The following POU6F2 variants were observed in gnomAD, a reference collection of about 807,000 sequenced individuals.
POU6F2 encodes the protein POU domain, class 6, transcription factor 2.
POU6F2 carries 31 observed loss-of-function variants against 71.3 expected under a neutral mutation model. The ratio of observed to expected loss-of-function variants is 0.43; its 90% CI spans 0.33 to 0.59. The LOEUF is 0.59. Among genes scored for constraint, POU6F2 ranks in the 20% least tolerant of loss-of-function variants. The probability of loss-of-function intolerance (pLI) is 0.04; values close to 1 mark genes in which losing one functional copy is unlikely to be tolerated. For synonymous variants in POU6F2, 347 were observed against 355.7 expected, an observed-to-expected ratio of 0.98 and a Z score of 0.27; for missense variants, 783 against 856.8, an observed-to-expected ratio of 0.91 and a Z score of 1.07.
At chr7:39,398,044 A>C (rs190225459) in intron 5 of POU6F2, among the ~76,000 whole-genome samples, 2 of 151,908 alleles carry the variant, frequency 1.3e-5, no homozygotes, top group African/African-American at 4.8e-5. Flanking sequence ...TATTTTTAAA[A>C]AAAAAACATT....
chr7:39,343,153 G>C (rs1785955224), intron 5 of POU6F2, among the ~76,000 whole-genome samples: 2 of 152,144 alleles, frequency 1.3e-5, no homozygotes. Flanking sequence ...AGCAGTCCCT[G>C]TAAATAAGTA....
At chr7:39,086,820 C>T (rs186407483) in intron 2 of POU6F2, among the ~76,000 whole-genome samples, 93 of 152,166 alleles carry the variant, frequency 6.1e-4, no homozygotes, top group Non-Finnish European at 1.0e-3. Context: ...GAAAGGGGAG[C>T]GGGTTGTTGA....
chr7:39,319,529 G>A (rs553845818), intron 4 of POU6F2, among the ~76,000 whole-genome samples: 29 of 152,210 alleles, frequency 1.9e-4, no homozygotes, highest in Admixed American at 1.6e-3. Context: ...ACCTCTGCAC[G>A]GGACTCTCTC....
At chr7:39,429,314 A>G (rs1193925259) in intron 6 of POU6F2, among the ~76,000 whole-genome samples, 4 of 151,662 alleles carry the variant, frequency 2.6e-5, no homozygotes, top group African/African-American at 9.7e-5. Flanking sequence ...CTTGGCCCCC[A>G]TTTCTTCTGT....
intron 2 of POU6F2, among the ~76,000 whole-genome samples, chr7:39,132,199 G>A (rs1792300237): frequency 1.3e-5 from 2 of 152,198 alleles, no homozygotes; most frequent in Admixed American, 1.3e-4. Context: ...AATGTAATTT[G>A]TCTGGTCATT....
chr7:39,126,665 G>A (rs546656010), intron 2 of POU6F2, among the ~76,000 whole-genome samples: 4 of 152,134 alleles, frequency 2.6e-5, no homozygotes, highest in East Asian at 1.9e-4. Flanking sequence ...CCAAATTCTC[G>A]GTATATTGAT....
intron 6 of POU6F2, among the ~76,000 whole-genome samples, chr7:39,426,453 A>T (rs1787974059): frequency 1.3e-5 from 2 of 151,996 alleles, no homozygotes; most frequent in Admixed American, 6.5e-5. Context: ...AATCATTCAG[A>T]CCCATGATAT....
At chr7:39,328,067 C>T (rs958377841) in intron 4 of POU6F2, among the ~76,000 whole-genome samples, 2 of 152,104 alleles carry the variant, frequency 1.3e-5, no homozygotes, top group African/African-American at 4.8e-5. Flanking sequence ...ACTACAGGTG[C>T]ACACCACCAC....
chr7:39,057,398 T>G (rs1278930754), intron 1 of POU6F2, among the ~76,000 whole-genome samples: 1 of 152,174 alleles, frequency 6.6e-6, no homozygotes, highest in Non-Finnish European at 1.5e-5. Flanking sequence ...AGTCAGTTTA[T>G]TTTTGAAATC....
intron 1 of POU6F2, among the ~76,000 whole-genome samples, chr7:39,076,852 G>A (rs1791012815): frequency 1.4e-5 from 2 of 141,776 alleles, no homozygotes; most frequent in South Asian, 4.7e-4. Context: ...TTTTGCAAAA[G>A]GTTGCAAATG....
intron 6 of POU6F2, among the ~76,000 whole-genome samples, chr7:39,431,646 C>T (rs1788105035): frequency 2.6e-5 from 4 of 152,116 alleles, no homozygotes; most frequent in Admixed American, 6.5e-5. Flanking sequence ...AAAGCGAGCA[C>T]GTGGGGTCAG....
At chr7:39,118,112 G>C (rs775009528) in intron 2 of POU6F2, among the ~76,000 whole-genome samples, 9 of 152,062 alleles carry the variant, frequency 5.9e-5, no homozygotes, top group African/African-American at 2.2e-4. Flanking sequence ...AAATTACAGG[G>C]TTCTTCTCTG....
chr7:39,139,387 T>A (rs1792452534), intron 2 of POU6F2, among the ~76,000 whole-genome samples: 2 of 152,188 alleles, frequency 1.3e-5, no homozygotes, highest in South Asian at 4.1e-4. Flanking sequence ...TGAGTCCCAG[T>A]TTAGATTTCT....
chr7:39,051,000 C>A (rs575987977), intron 1 of POU6F2, among the ~76,000 whole-genome samples: 55 of 152,120 alleles, frequency 3.6e-4, no homozygotes, highest in Non-Finnish European at 5.3e-4. Context: ...CCAATTCATT[C>A]GCCTCTTTTT....
At chr7:39,312,532 A>G (rs148729439) in intron 4 of POU6F2, among the ~76,000 whole-genome samples, 1 of 152,312 alleles carries the variant, frequency 6.6e-6, no homozygotes, top group Non-Finnish European at 1.5e-5. Context: ...TCTGTGGGGA[A>G]CACATTCCAA....
At chr7:39,071,944 A>G (rs1250479170) in intron 1 of POU6F2, among the ~76,000 whole-genome samples, 1 of 152,144 alleles carries the variant, frequency 6.6e-6, no homozygotes, top group Admixed American at 6.5e-5. Flanking sequence ...AGCAGGCTTG[A>G]TTAGAGTTTT....
chr7:39,114,761 T>A (rs746105159), intron 2 of POU6F2, among the ~76,000 whole-genome samples: 8 of 152,178 alleles, frequency 5.3e-5, no homozygotes, highest in African/African-American at 9.7e-5. Flanking sequence ...TAATATTTTT[T>A]GTATTGTGAG....
chr7:39,455,852 C>A (rs1012726028), intron 8 of POU6F2, among the ~76,000 whole-genome samples: 2 of 152,180 alleles, frequency 1.3e-5, no homozygotes, highest in African/African-American at 2.4e-5. Flanking sequence ...ACACAGTTTG[C>A]ATTTAGCACC....
At chr7:39,070,180 T>G (rs1396381335) in intron 1 of POU6F2, among the ~76,000 whole-genome samples, 2 of 152,162 alleles carry the variant, frequency 1.3e-5, no homozygotes, top group Admixed American at 1.3e-4. Flanking sequence ...AAAAGGAATT[T>G]GGTTGATATA....
Sources: allele counts gnomAD v4.1 joint callset (sites outside exome capture counted in the v4.1 genomes callset), GRCh38; gene constraint gnomAD v4.1.1; transcripts MANE v1.5; gene names NCBI Gene and HGNC (gene_info 2026-07-23, HGNC 2026-07-21).